ADAMTS3: variants seen among roughly 807,000 people sequenced by gnomAD.
The protein encoded by ADAMTS3 is A disintegrin and metalloproteinase with thrombospondin motifs 3.
Under a neutral mutation model 129.0 loss-of-function variants are expected in ADAMTS3, and 73 were observed. That is an observed-to-expected ratio of 0.57 (90% CI 0.47 to 0.69). ADAMTS3 has a LOEUF of 0.69. Among genes scored for constraint, ADAMTS3 ranks in the 30% least tolerant of loss-of-function variants. The pLI, the probability that ADAMTS3 is intolerant of heterozygous loss-of-function variation, is 0.00. For missense variants in ADAMTS3, 1,457 were observed against 1,514.5 expected, an observed-to-expected ratio of 0.96 and a Z score of 0.63; for synonymous variants, 477 against 510.8, an observed-to-expected ratio of 0.93 and a Z score of 0.89.
chr4:72,296,970 C>T (rs1436935660), intron 18 of ADAMTS3, among the ~76,000 whole-genome samples: 2 of 151,980 alleles, frequency 1.3e-5, no homozygotes, highest in African/African-American at 4.8e-5. Flanking sequence ...AAATTTGGGC[C>T]TGTTTAACTG....
intron 3 of ADAMTS3, among the ~76,000 whole-genome samples, chr4:72,503,970 A>G (rs1251728108): frequency 6.6e-6 from 1 of 152,030 alleles, no homozygotes; most frequent in Non-Finnish European, 1.5e-5. Flanking sequence ...CCAACCCTTT[A>G]TTTTGATATT....
In ADAMTS3 at chr4:72,532,520, C is replaced by T. The variant is rs1372595179; in HGVS notation, c.504+15958G>A. Among the ~76,000 whole-genome samples, 7 of 147,384 alleles carry T rather than the reference C, an allele frequency of 4.7e-5. No individual in the cohort carries two copies. The East Asian group carries it at 1.0e-3, about 21-fold the overall frequency. On this transcript the variant is annotated intron_variant, in intron 3 of 21. Transcript: ENST00000286657. Reference sequence around the variant, plus strand: ...ACACACACACACACACACACACACACGTATAACTTTATATATATCTATCTT... The same window carrying T: ...ACACACACACACACACACACACACATGTATAACTTTATATATATCTATCTT...
At chr4:72,319,297 A>G (rs1476761976) in intron 9 of ADAMTS3, 35 bp downstream of exon 9, 1 of 1,612,064 alleles carries the variant, frequency 6.2e-7, no homozygotes, top group East Asian at 2.2e-5. Flanking sequence ...AGGCTATAAA[A>G]TAAATACTTT....
chr4:72,555,915 C>T (rs1407219989), intron 2 of ADAMTS3, among the ~76,000 whole-genome samples: 3 of 151,616 alleles, frequency 2.0e-5, no homozygotes, highest in African/African-American at 7.3e-5. Flanking sequence ...TTCCCCTTCA[C>T]CCTTCCACCA....
At chr4:72,394,874 G>A (rs527745086) in intron 4 of ADAMTS3, among the ~76,000 whole-genome samples, 31 of 151,274 alleles carry the variant, frequency 2.0e-4, no homozygotes, top group Admixed American at 1.2e-3. Flanking sequence ...ATGGTATGAC[G>A]TGAATAAAAT....
intron 5 of ADAMTS3, among the ~76,000 whole-genome samples, chr4:72,336,529 C>G (rs1719992759): frequency 6.6e-6 from 1 of 152,124 alleles, no homozygotes; most frequent in Admixed American, 6.6e-5. Context: ...AAGGAAAGAG[C>G]CTGCTCAGGT....
At position 72,457,230 on chromosome 4, in the gene ADAMTS3, C is replaced by T. The variant is rs79700368; in HGVS notation, c.505-42259G>A. ...GTTTGCTTATTGCCCATAGGCATAA[C>T]CTACAAGAAACTGGCAGGACATAAC... On this transcript the variant is annotated intron_variant, in intron 3 of 21. Coordinates refer to ENST00000286657, the MANE Select transcript of ADAMTS3 (RefSeq NM_014243.3). Among the ~76,000 whole-genome samples, 183 of 151,778 alleles carry T rather than the reference C, an allele frequency of 1.2e-3. 1 individual carries two copies. In the East Asian group the frequency reaches 0.013, roughly 11 times the overall value.
intron 4 of ADAMTS3, among the ~76,000 whole-genome samples, chr4:72,367,775 G>A (rs1001382502): frequency 1.3e-5 from 2 of 151,546 alleles, no homozygotes; most frequent in African/African-American, 4.8e-5. Flanking sequence ...GCGTGAACCC[G>A]GGAGGCGGAG....
At chr4:72,386,999 T>G (rs1271122621) in intron 4 of ADAMTS3, among the ~76,000 whole-genome samples, 1 of 152,252 alleles carries the variant, frequency 6.6e-6, no homozygotes, top group African/African-American at 2.4e-5. Flanking sequence ...TTTCAATAGC[T>G]AAGACTATCC....
chr4:72,532,397 A>G (rs930210245), intron 3 of ADAMTS3, among the ~76,000 whole-genome samples: 1 of 152,092 alleles, frequency 6.6e-6, no homozygotes, highest in Non-Finnish European at 1.5e-5. Context: ...AATCATCAAT[A>G]GAGCTGGCAC....
intron 5 of ADAMTS3, among the ~76,000 whole-genome samples, chr4:72,328,210 T>C (rs1719747452): frequency 6.6e-6 from 1 of 152,160 alleles, no homozygotes; most frequent in Non-Finnish European, 1.5e-5. Context: ...AAAGAAGGGG[T>C]AAACAGAACA....
intron 4 of ADAMTS3, among the ~76,000 whole-genome samples, chr4:72,380,142 T>A (rs1025658833): frequency 6.6e-6 from 1 of 152,086 alleles, no homozygotes; most frequent in Admixed American, 6.6e-5. Flanking sequence ...CGCAAACACA[T>A]AGTATGAATA....
At position 72,355,466 on chromosome 4, in the gene ADAMTS3, C is replaced by T. The variant is rs546794044; in HGVS notation, c.662-15773G>A. Among the ~76,000 whole-genome samples the T allele has an allele frequency of 3.8e-4, 58 of 152,006 alleles. 1 individual carries two copies. Among genetic ancestry groups the T allele is most frequent in the Middle Eastern group, 3.4e-3 (1 of 294 alleles). Reference sequence around the variant, plus strand: ...AAAGAAAAGCTGCAATATAAATCACCACAGCACATAAGATCTTATCACAAT... The same window carrying T: ...AAAGAAAAGCTGCAATATAAATCACTACAGCACATAAGATCTTATCACAAT... On this transcript the variant is annotated intron_variant, in intron 4 of 21. Coordinates refer to ENST00000286657, the MANE Select transcript of ADAMTS3 (RefSeq NM_014243.3).
At chr4:72,463,272 A>C (rs1718821814) in intron 3 of ADAMTS3, among the ~76,000 whole-genome samples, 1 of 152,012 alleles carries the variant, frequency 6.6e-6, no homozygotes, top group African/African-American at 2.4e-5. Context: ...ATGTTCACAC[A>C]ATGTGAAATC....
intron 4 of ADAMTS3, among the ~76,000 whole-genome samples, chr4:72,388,614 T>G (rs1322210737): frequency 6.6e-6 from 1 of 152,188 alleles, no homozygotes; most frequent in Admixed American, 6.5e-5. Context: ...AAATGTCTTT[T>G]CTGTTCAAGT....
chr4:72,508,119 A>AT (rs1003390315), intron 3 of ADAMTS3, among the ~76,000 whole-genome samples: 15 of 152,166 alleles, frequency 9.9e-5, no homozygotes, highest in African/African-American at 3.6e-4. Flanking sequence ...AAACAAACAC[A>AT]TGCACATTGT....
At chr4:72,356,758 T>C (rs1720592276) in intron 4 of ADAMTS3, among the ~76,000 whole-genome samples, 1 of 151,740 alleles carries the variant, frequency 6.6e-6, no homozygotes, top group Admixed American at 6.6e-5. Flanking sequence ...CAAAACATCA[T>C]TTAAAAGACT....
chr4:72,447,610 G>A (rs1171950187), intron 3 of ADAMTS3, among the ~76,000 whole-genome samples: 3 of 151,656 alleles, frequency 2.0e-5, no homozygotes, highest in East Asian at 3.9e-4. Flanking sequence ...AACAAGTGAG[G>A]CTTTGAGATG....
intron 3 of ADAMTS3, among the ~76,000 whole-genome samples, chr4:72,436,674 C>A (rs1717935856): frequency 1.3e-5 from 2 of 151,946 alleles, no homozygotes; most frequent in Non-Finnish European, 2.9e-5. Context: ...TACTATGCAG[C>A]CATAAAAAAG....
Sources: allele counts gnomAD v4.1 joint callset (sites outside exome capture counted in the v4.1 genomes callset), GRCh38; gene constraint gnomAD v4.1.1; transcripts MANE v1.5; gene names NCBI Gene and HGNC (gene_info 2026-07-23, HGNC 2026-07-21).